The following IL31RA variants were observed in gnomAD, a reference collection of about 807,000 sequenced individuals.
IL31RA encodes interleukin 31 receptor A.
A neutral mutation model predicts 83.7 loss-of-function variants in IL31RA; 66 were observed. The ratio of observed to expected loss-of-function variants is 0.79; its 90% CI spans 0.65 to 0.97. The LOEUF (loss-of-function observed/expected upper bound fraction) is 0.97. Ranked by LOEUF, IL31RA falls within the 50% of genes least tolerant of loss-of-function variation. The probability of loss-of-function intolerance (pLI) is 0.00; values close to 1 mark genes in which losing one functional copy is unlikely to be tolerated. For missense variants in IL31RA, 798 were observed against 919.4 expected (o/e 0.87, Z 1.71); for synonymous variants, 325 against 329.0 (o/e 0.99, Z 0.13).
chr5:55,905,976 G>A (rs536872451), intron 8 of IL31RA, 130 bp from the exon 9 acceptor site: 118 of 878,376 alleles, frequency 1.3e-4, no homozygotes, highest in Middle Eastern at 3.2e-4. Context: ...AGCCCCATCC[G>A]GGGAGGCTGC....
chr5:55,877,414 G>A lies in IL31RA; in HGVS notation c.454+4963G>A, dbSNP rs535389931. On this transcript the variant is annotated intron_variant, in intron 4 of 14. Coordinates refer to ENST00000652347, the MANE Select transcript of IL31RA (RefSeq NM_139017.7). ...TACAATAATACTAGCTTTTATATTT[G>A]CTTGTGTATTTATACTAGAGATCTT... Among the ~76,000 whole-genome samples the A allele has an allele frequency of 1.0e-3, 152 of 152,238 alleles. 1 individual carries two copies. The highest frequency in any genetic ancestry group is 3.3e-3 in the African/African-American group (138 of 41,558).
intron 6 of IL31RA, among the ~76,000 whole-genome samples, chr5:55,893,424 C>G (rs1023648025): frequency 6.6e-6 from 1 of 152,226 alleles, no homozygotes; most frequent in African/African-American, 2.4e-5. Context: ...TGGGGATGCC[C>G]ATACTGTCAT....
intron 13 of IL31RA, among the ~76,000 whole-genome samples, 198 bp downstream of exon 13, chr5:55,913,768 C>T (rs940969217): frequency 3.9e-5 from 6 of 152,240 alleles, no homozygotes; most frequent in Non-Finnish European, 4.4e-5. Context: ...AGAGCACTTT[C>T]GTTTCCCAGA....
chr5:55,866,441 T>G (rs974460181), intron 2 of IL31RA, among the ~76,000 whole-genome samples: 2 of 151,144 alleles, frequency 1.3e-5, no homozygotes, highest in African/African-American at 4.9e-5. Context: ...AGTTAGATTC[T>G]CATAAGGAGT....
chr5:55,920,326 C>T lies in IL31RA; in HGVS notation c.*3206C>T, dbSNP rs1455006241. On this transcript the variant is annotated 3_prime_UTR_variant, in exon 15 of 15. Coordinates refer to ENST00000652347, the MANE Select transcript of IL31RA (RefSeq NM_139017.7). ...CTAGTTACTCCTGCTGCAGCAGGCA[C>T]CCTGCCACCCAGGGCAGTGGCCCAC... is the stretch of plus-strand genomic sequence containing the variant. Among the ~76,000 whole-genome samples the T allele has an allele frequency of 1.3e-5, 2 of 152,262 alleles. No individual in the cohort carries two copies. The highest frequency in any genetic ancestry group is 2.9e-5 in the Non-Finnish European group (2 of 68,044).
Position 55,893,976 on chromosome 5 carries a change from T to A in IL31RA, c.773-2374T>A, listed in dbSNP as rs2112490014. ...ACAGGTGTGTGCCACCATGCCTGGC[T>A]GCCTATGGGCTAAATCCAAGAAGAA... On this transcript the variant is annotated intron_variant, in intron 6 of 14. Coordinates refer to ENST00000652347, the MANE Select transcript of IL31RA (RefSeq NM_139017.7). Among the ~76,000 whole-genome samples the A allele has an allele frequency of 1.3e-5, 2 of 152,248 alleles. 1 individual carries two copies. Among genetic ancestry groups the A allele is most frequent in the South Asian group, 4.2e-4 (2 of 4,818 alleles).
rs181854761 is a variant in IL31RA at position 55,858,913 on chromosome 5, T to C, written c.64-596T>C. ...GTATGTAGGGAAGCCGTCAGGTAAATTGCTGACCACCATTCTTGTGGCAGA... is the reference window on the plus strand; with the variant it reads ...GTATGTAGGGAAGCCGTCAGGTAAACTGCTGACCACCATTCTTGTGGCAGA... On this transcript the variant is annotated intron_variant, in intron 1 of 14. Coordinates refer to ENST00000652347, the MANE Select transcript of IL31RA (RefSeq NM_139017.7). 2.6e-5 allele frequency among the ~76,000 whole-genome samples: 4 copies of C among 152,322 alleles called. No individual in the cohort carries two copies. The East Asian group carries it at 7.7e-4, about 29-fold the overall frequency.
intron 7 of IL31RA, among the ~76,000 whole-genome samples, chr5:55,898,535 T>C (rs1748578139): frequency 1.3e-5 from 2 of 148,666 alleles, no homozygotes; most frequent in Non-Finnish European, 3.0e-5. Context: ...AGAATGTTAT[T>C]TAAAAAAGTT....
chr5:55,851,913 A>G (rs1376617407), intron 1 of IL31RA, among the ~76,000 whole-genome samples: 1 of 151,646 alleles, frequency 6.6e-6, no homozygotes, highest in Non-Finnish European at 1.5e-5. Context: ...GCCTCTTCCC[A>G]TTTGTTTTGT....
In IL31RA at chr5:55,916,685, A is replaced by G. The variant is rs1169521574; in HGVS notation, c.1860A>G (p.Thr620=). ...NLKESDDSVN[T]EDRILKPCST... ...AGGAGTCTGATGACTCTGTGAACAC[A>G]GAAGACAGGATCTTAAAACCATGTT... The change falls in exon 15 of 15, where the codon ACA becomes ACG. Residue 620 remains threonine (T), a synonymous_variant. Coordinates refer to ENST00000652347, the MANE Select transcript of IL31RA (RefSeq NM_139017.7). 1.2e-6 allele frequency: 2 copies of G among 1,614,222 alleles called. No individual in the cohort carries two copies.
intron 13 of IL31RA, among the ~76,000 whole-genome samples, chr5:55,914,439 CTGG>C (rs1267724836): frequency 6.6e-6 from 1 of 152,188 alleles, no homozygotes; most frequent in East Asian, 1.9e-4. Flanking sequence ...CCCAATGCTG[CTGG>C]TTGGGACCAC....
At chr5:55,853,407 GCAGA>G (rs1393958842) in intron 1 of IL31RA, 1 of 1,408,042 alleles carries the variant, frequency 7.1e-7, no homozygotes, top group Admixed American at 2.7e-5. Flanking sequence ...AGAAAAGCTC[GCAGA>G]CAATCAGAGT....
chr5:55,906,163 A>G lies in IL31RA; in HGVS notation c.1127A>G (p.Lys376Arg). The G allele has an allele frequency of 1.2e-6, 2 of 1,613,904 alleles. No homozygotes were observed. Among genetic ancestry groups the G allele is most frequent in the Non-Finnish European group, 1.7e-6 (2 of 1,180,008 alleles). ...GTTGCTGAGGACCAGCTAGTGGTGA[A>G]GTGGCAAAGCTCTGCTCTAGACGTG... ...ACVAEDQLVVKWQSSALDVNT... is the reference protein window; with the variant it reads ...ACVAEDQLVVRWQSSALDVNT... Residue 376 changes from lysine (K) to arginine (R), a missense_variant, in exon 9 of 15, where the codon AAG (lysine) becomes AGG (arginine). Lys to Arg is a conservative substitution (Grantham distance 26). Transcript: ENST00000652347.
chr5:55,906,815 G>A (rs755043640), intron 9 of IL31RA, among the ~76,000 whole-genome samples: 7 of 152,176 alleles, frequency 4.6e-5, no homozygotes, highest in African/African-American at 2.4e-5. Context: ...ATGGAGTGCA[G>A]TGGCACGATC....
Position 55,920,715 on chromosome 5 carries a change from A to C in IL31RA, c.*3595A>C, listed in dbSNP as rs1369680817. ...ATTAGCTGCAAATTAAAAAGAAATC[A>C]GGATATGTCATTCTGAATTTCTGAC... On this transcript the variant is annotated 3_prime_UTR_variant, in exon 15 of 15. Transcript: ENST00000652347. Among the ~76,000 whole-genome samples the C allele has an allele frequency of 6.6e-6, 1 of 152,254 alleles. No individual in the cohort carries two copies. The highest frequency in any genetic ancestry group is 2.4e-5 in the African/African-American group (1 of 41,474).
rs1438183953 is a variant in IL31RA at position 55,867,232 on chromosome 5, TTTG to T, written c.155-1557_155-1555del. On this transcript the variant is annotated intron_variant, in intron 2 of 14. Transcript: ENST00000652347. ...GTGCGCATGTGTGTTTGTGTGTGTG[TTTG>T]TGTGTGTGTTTGTGTGTGCGTGTGT... Among the ~76,000 whole-genome samples the T allele has an allele frequency of 1.7e-3, 170 of 102,482 alleles. 2 individuals carry two copies. Among genetic ancestry groups the T allele is most frequent in the Middle Eastern group, 4.7e-3 (1 of 212 alleles). The allele number at this position is 102,482 out of a possible 152,430, so 67.2% of individuals were successfully genotyped here. A position where few individuals can be genotyped will look rare whatever the true frequency, so the allele number is the denominator to read the frequency against.
intron 3 of IL31RA, among the ~76,000 whole-genome samples, chr5:55,871,517 G>A (rs1746504783): frequency 1.4e-5 from 2 of 147,222 alleles, no homozygotes; most frequent in Non-Finnish European, 3.1e-5. Flanking sequence ...TTAAGTTACA[G>A]CTTGGTAGTA....
chr5:55,848,013 T>C (rs1744975411), upstream of IL31RA, among the ~76,000 whole-genome samples: 1 of 152,244 alleles, frequency 6.6e-6, no homozygotes, highest in Admixed American at 6.5e-5. Flanking sequence ...AATACCTTTC[T>C]TGTCACATTA....
chr5:55,856,702 A>C (rs746880985), intron 1 of IL31RA, among the ~76,000 whole-genome samples: 1 of 152,184 alleles, frequency 6.6e-6, no homozygotes, highest in Non-Finnish European at 1.5e-5. Context: ...ATCTTTCATC[A>C]GGTTCATGGT....
Sources: gnomAD v4.1 joint callset for allele counts (sites outside exome capture counted in the v4.1 genomes callset) on GRCh38, gnomAD v4.1.1 for gene constraint, MANE v1.5 for transcripts, NCBI Gene and HGNC (gene_info 2026-07-23, HGNC 2026-07-21) for gene names.